Variants in MDGA2 observed in about 807,000 individuals in gnomAD.
MDGA2 encodes MAM domain containing glycosylphosphatidylinositol anchor 2.
A neutral mutation model predicts 117.8 loss-of-function variants in MDGA2; 40 were observed. The ratio of observed to expected loss-of-function variants is 0.34; its 90% confidence interval spans 0.26 to 0.44. The LOEUF is 0.44. Among genes scored for constraint, MDGA2 ranks in the 20% least tolerant of loss-of-function variants. MDGA2 has a pLI of 1.00. For synonymous variants in MDGA2, 452 were observed against 439.0 expected (o/e 1.03, Z -0.37); for missense variants, 1,123 against 1,250.6 (o/e 0.90, Z 1.54).
chr14:46,948,647 G>A (rs1279172135), intron 9 of MDGA2, among the ~76,000 whole-genome samples: 1 of 151,910 alleles, frequency 6.6e-6, no homozygotes, highest in Non-Finnish European at 1.5e-5. Flanking sequence ...TCTATACACT[G>A]TCCCTTCCAG....
chr14:47,406,082 G>C (rs1471115336), intron 1 of MDGA2, among the ~76,000 whole-genome samples: 2 of 152,084 alleles, frequency 1.3e-5, no homozygotes, highest in African/African-American at 4.8e-5. Context: ...TATGCAAGTG[G>C]TTTAATTCAA....
At chr14:47,295,105 A>G (rs995359306) in intron 2 of MDGA2, among the ~76,000 whole-genome samples, 1 of 152,228 alleles carries the variant, frequency 6.6e-6, no homozygotes, top group Non-Finnish European at 1.5e-5. Context: ...AATTATTTTT[A>G]AAGAGTGGCT....
chr14:47,095,704 T>C (rs1159622818), intron 6 of MDGA2, among the ~76,000 whole-genome samples: 4 of 151,974 alleles, frequency 2.6e-5, no homozygotes, highest in Admixed American at 2.6e-4. Flanking sequence ...ATTCATAGTG[T>C]TTTGATTTAC....
intron 5 of MDGA2, among the ~76,000 whole-genome samples, chr14:47,110,275 C>G (rs934887763): frequency 6.6e-6 from 1 of 152,006 alleles, no homozygotes; most frequent in Admixed American, 6.6e-5. Flanking sequence ...AATGTTGACT[C>G]TGAAACCAAA....
At chr14:46,848,657 A>T (rs1880939218) in intron 15 of MDGA2, among the ~76,000 whole-genome samples, 1 of 151,860 alleles carries the variant, frequency 6.6e-6, no homozygotes, top group Non-Finnish European at 1.5e-5. Context: ...TAAAAAAAAA[A>T]AAAAAAGTCC....
intron 1 of MDGA2, among the ~76,000 whole-genome samples, chr14:47,455,301 T>C (rs1411942835): frequency 6.6e-6 from 1 of 151,906 alleles, no homozygotes; most frequent in East Asian, 1.9e-4. Flanking sequence ...AGGTCAGGAG[T>C]TCGAGACCAG....
At chr14:47,441,026 G>C (rs1031687091) in intron 1 of MDGA2, among the ~76,000 whole-genome samples, 1 of 152,030 alleles carries the variant, frequency 6.6e-6, no homozygotes, top group African/African-American at 2.4e-5. Context: ...TGACAGATCT[G>C]TGCAAAGCAA....
At chr14:47,487,874 TG>T (rs1265798107) in intron 1 of MDGA2, among the ~76,000 whole-genome samples, 55 of 152,176 alleles carry the variant, frequency 3.6e-4, no homozygotes, top group African/African-American at 1.3e-3. Flanking sequence ...TCTATATTTA[TG>T]TGGCTTTTTG....
intron 10 of MDGA2, among the ~76,000 whole-genome samples, chr14:46,882,633 G>A (rs970906779): frequency 1.3e-5 from 2 of 150,482 alleles, no homozygotes; most frequent in Non-Finnish European, 3.0e-5. Flanking sequence ...ATATATTATG[G>A]GCATTAAAAG....
At chr14:47,645,845 G>A (rs1007297164) in intron 1 of MDGA2, among the ~76,000 whole-genome samples, 7 of 151,714 alleles carry the variant, frequency 4.6e-5, no homozygotes, top group African/African-American at 1.4e-4. Context: ...AGCCGAGGCG[G>A]GTGGATCACG....
rs1889279148 is a variant in MDGA2 at position 47,301,397 on chromosome 14, A to C, written c.420+14T>G. The C allele has an allele frequency of 1.3e-6, 2 of 1,550,524 alleles. No homozygotes were observed. The highest frequency in any genetic ancestry group is 1.4e-5 in the African/African-American group (1 of 73,046). On this transcript the variant is annotated intron_variant, in intron 2 of 16. Transcript: ENST00000399232. The stretch of plus-strand genomic sequence containing the variant: ...CAGAGAATGTTTTCTCCAGTGTCAC[A>C]GTTCGGGACTCACCTGTGGACGTGG...
chr14:47,657,165 T>G (rs1489224612), intron 1 of MDGA2, among the ~76,000 whole-genome samples: 2 of 152,014 alleles, frequency 1.3e-5, no homozygotes, highest in Non-Finnish European at 2.9e-5. Flanking sequence ...GGCTCAGAAA[T>G]TACGGGGCAA....
At chr14:47,215,145 T>G (rs1473863177) in intron 3 of MDGA2, among the ~76,000 whole-genome samples, 1 of 152,100 alleles carries the variant, frequency 6.6e-6, no homozygotes, top group Non-Finnish European at 1.5e-5. Flanking sequence ...AAACCTACAA[T>G]GCAGTGGATG....
rs375679272 is a variant in MDGA2 at position 46,941,744 on chromosome 14, G to A, written c.2089+15630C>T. ...ACATAGATGTGCTTTTCTGTATTCA[G>A]TTTTCTTTGTTCTATTCTTCTCTGG... On this transcript the variant is annotated intron_variant, in intron 9 of 16. Coordinates refer to ENST00000399232, the MANE Select transcript of MDGA2 (RefSeq NM_001113498.3). 7.2e-5 allele frequency among the ~76,000 whole-genome samples: 11 copies of A among 152,238 alleles called. No homozygotes were observed. The East Asian group carries it at 1.5e-3, about 21-fold the overall frequency.
intron 12 of MDGA2, among the ~76,000 whole-genome samples, chr14:46,874,828 C>T (rs1882159088): frequency 6.6e-6 from 1 of 151,482 alleles, no homozygotes. Flanking sequence ...ACTGTGATTT[C>T]TCGGATGCCT....
At chr14:47,168,235 G>T (rs1883967035) in intron 3 of MDGA2, among the ~76,000 whole-genome samples, 1 of 135,866 alleles carries the variant, frequency 7.4e-6, no homozygotes, top group African/African-American at 2.8e-5. Context: ...ACCACTTGCT[G>T]CTTCTCTCTC....
At chr14:47,377,896 C>G (rs986252073) in intron 1 of MDGA2, among the ~76,000 whole-genome samples, 2 of 152,202 alleles carry the variant, frequency 1.3e-5, no homozygotes, top group African/African-American at 2.4e-5. Flanking sequence ...GATCTGAGAA[C>G]AGACAGACTG....
At chr14:46,926,831 T>C (rs550283656) in intron 9 of MDGA2, among the ~76,000 whole-genome samples, 88 of 152,096 alleles carry the variant, frequency 5.8e-4, no homozygotes, top group Non-Finnish European at 1.2e-3. Context: ...TGAGAAACCT[T>C]AGGCAGGAAA....
At chr14:47,070,168 C>G (rs1890227829) in intron 6 of MDGA2, among the ~76,000 whole-genome samples, 1 of 152,070 alleles carries the variant, frequency 6.6e-6, no homozygotes, top group Non-Finnish European at 1.5e-5. Flanking sequence ...CATATTCGTC[C>G]TTTATAACTA....
Sources: gnomAD v4.1 joint callset for allele counts (sites outside exome capture counted in the v4.1 genomes callset) on GRCh38, gnomAD v4.1.1 for gene constraint, MANE v1.5 for transcripts, NCBI Gene and HGNC (gene_info 2026-07-23, HGNC 2026-07-21) for gene names.